Variants in FAM184A observed in about 807,000 individuals in gnomAD.
The protein encoded by FAM184A is protein FAM184A.
FAM184A carries 99 observed loss-of-function variants against 143.8 expected under a neutral mutation model. The ratio of observed to expected loss-of-function variants is 0.69; its 90% CI spans 0.58 to 0.81. The LOEUF is 0.81. Ranked by LOEUF, FAM184A falls within the 40% of genes least tolerant of loss-of-function variation. The pLI is 0.00. For synonymous variants in FAM184A, 427 were observed against 446.4 expected (o/e 0.96, Z 0.55); for missense variants, 1,217 against 1,310.5 (o/e 0.93, Z 1.10).
chr6:119,021,619 G>A (rs902443807), intron 3 of FAM184A, among the ~76,000 whole-genome samples: 1 of 152,092 alleles, frequency 6.6e-6, no homozygotes, highest in African/African-American at 2.4e-5. Flanking sequence ...GTTTTAGGCT[G>A]CAGTGAGCTA....
At chr6:119,045,216 T>G (rs1354344443) in intron 1 of FAM184A, among the ~76,000 whole-genome samples, 1 of 152,014 alleles carries the variant, frequency 6.6e-6, no homozygotes, top group Non-Finnish European at 1.5e-5. Context: ...ACCTCTGGTA[T>G]ATTGATAAAA....
chr6:119,002,939 C>T lies in FAM184A; in HGVS notation c.2048G>A (p.Arg683Lys). The T allele has an allele frequency of 6.2e-7, 1 of 1,612,438 alleles. No individual in the cohort carries two copies. The highest frequency in any genetic ancestry group is 8.5e-7 in the Non-Finnish European group (1 of 1,179,524). The change falls in exon 9 of 18, where the codon AGA (arginine) becomes AAA (lysine). Residue 683 changes from arginine (R) to lysine (K), a missense_variant. Arg to Lys is a conservative substitution (Grantham distance 26). Coordinates refer to ENST00000338891, the MANE Select transcript of FAM184A (RefSeq NM_024581.6). The part of the protein sequence containing the change: ...QLKDREKNAA[R>K]DSWQKKVEDL... The stretch of plus-strand genomic sequence containing the variant: ...TTCTACTTTCTTCTGCCATGAATCT[C>T]TTGCTGCATTTTTCTCTCGATCTTT...
chr6:119,033,673 A>C (rs1785978189), intron 1 of FAM184A, among the ~76,000 whole-genome samples: 2 of 148,524 alleles, frequency 1.3e-5, no homozygotes, highest in Non-Finnish European at 3.0e-5. Flanking sequence ...TCAAAAAAAA[A>C]AAAAAGAAAG....
chr6:119,136,688 T>C (rs1789678144), intron 1 of FAM184A, among the ~76,000 whole-genome samples: 1 of 152,256 alleles, frequency 6.6e-6, no homozygotes, highest in African/African-American at 2.4e-5. Context: ...TATTTGTTCC[T>C]AGATACTATC....
chr6:118,967,877 C>T (rs995068136), intron 14 of FAM184A, among the ~76,000 whole-genome samples: 11 of 152,090 alleles, frequency 7.2e-5, no homozygotes, highest in Non-Finnish European at 1.5e-4. Flanking sequence ...CTCATGAATA[C>T]TGAGTAACTT....
intron 1 of FAM184A, among the ~76,000 whole-genome samples, chr6:119,056,351 A>C (rs1786974663): frequency 6.6e-6 from 1 of 152,298 alleles, no homozygotes. Context: ...GATTTTGGAC[A>C]CGTAGTACTG....
chr6:118,968,068 A>T (rs578087615), intron 14 of FAM184A, among the ~76,000 whole-genome samples: 3 of 152,184 alleles, frequency 2.0e-5, no homozygotes, highest in African/African-American at 7.2e-5. Context: ...AAAGTTCTCA[A>T]TTAGAGTGTT....
chr6:118,967,011 C>T lies in FAM184A; in HGVS notation c.2916-59G>A. On this transcript the variant is annotated intron_variant, in intron 14 of 17. Coordinates refer to ENST00000338891, the MANE Select transcript of FAM184A (RefSeq NM_024581.6). ...CACTCAGATACATTCTTCTGTAATA[C>T]CTACATTAAAAAAATTAGTCTAGTT... 4 of 784,810 alleles carry T rather than the reference C, an allele frequency of 5.1e-6. No individual in the cohort carries two copies. The South Asian group carries it at 5.4e-5, about 11-fold the overall frequency. The allele number at this position is 784,810 out of a possible 1,614,324, so 48.6% of individuals were successfully genotyped here. A position where few individuals can be genotyped will look rare whatever the true frequency, so the allele number is the denominator to read the frequency against.
upstream of FAM184A, among the ~76,000 whole-genome samples, chr6:119,081,929 C>T (rs1788080584): frequency 6.6e-6 from 1 of 152,216 alleles, no homozygotes; most frequent in Admixed American, 6.5e-5. Context: ...CATCCAGCTG[C>T]CTGTGTGTTC....
At chr6:119,068,990 A>G (rs1191782059) in intron 1 of FAM184A, 2 of 329,438 alleles carry the variant, frequency 6.1e-6, no homozygotes, top group Admixed American at 3.5e-5. Flanking sequence ...TGTAATTAAA[A>G]TATATGATTA....
intron 1 of FAM184A, among the ~76,000 whole-genome samples, chr6:119,122,927 A>G (rs1789263388): frequency 1.7e-4 from 1 of 5,854 alleles, no homozygotes; most frequent in African/African-American, 1.1e-3. Context: ...CCTGTCTGAA[A>G]AAAAAAAAAA....
intron 1 of FAM184A, among the ~76,000 whole-genome samples, chr6:119,034,687 A>G (rs1562482984): frequency 6.7e-6 from 1 of 150,222 alleles, no homozygotes; most frequent in Non-Finnish European, 1.5e-5. Context: ...TCTTTATTTT[A>G]TAGGTTTTTA....
intron 1 of FAM184A, among the ~76,000 whole-genome samples, chr6:119,146,397 CGTGTGTGTGTGTGTGT>C (rs60937351): frequency 1.2e-4 from 17 of 136,390 alleles, no homozygotes; most frequent in Non-Finnish European, 1.9e-4. Context: ...GATTAACTTA[CGTGTGTGTGTGTGTGT>C]GTGTGTGTGT....
chr6:119,145,571 C>T (rs1205473050), intron 1 of FAM184A, among the ~76,000 whole-genome samples: 1 of 152,094 alleles, frequency 6.6e-6, no homozygotes, highest in Non-Finnish European at 1.5e-5. Flanking sequence ...CACTGGCTGG[C>T]GTTTTTGACA....
chr6:118,962,234 G>T, intron 16 of FAM184A: 1 of 426,318 alleles, frequency 2.3e-6, no homozygotes, highest in Admixed American at 3.8e-5. Flanking sequence ...TGAGAGAGAA[G>T]GTAAAAAGAG....
intron 1 of FAM184A, among the ~76,000 whole-genome samples, chr6:119,097,919 G>T (rs1788549137): frequency 6.6e-6 from 1 of 152,198 alleles, no homozygotes; most frequent in Non-Finnish European, 1.5e-5. Context: ...TCTGATTGTA[G>T]GTCATAATGT....
intron 4 of FAM184A, among the ~76,000 whole-genome samples, chr6:119,018,769 G>A (rs1164256444): frequency 6.6e-6 from 1 of 152,142 alleles, no homozygotes; most frequent in African/African-American, 2.4e-5. Context: ...AAATGGGTAT[G>A]AGCAGGGGAG....
chr6:119,038,893 TG>T (rs1271650583), intron 1 of FAM184A, among the ~76,000 whole-genome samples: 4 of 152,088 alleles, frequency 2.6e-5, no homozygotes, highest in South Asian at 4.2e-4. Context: ...AGCCACAGAC[TG>T]GGAGAAAATA....
At chr6:118,970,503 C>T (rs1783663406) in intron 14 of FAM184A, among the ~76,000 whole-genome samples, 1 of 151,988 alleles carries the variant, frequency 6.6e-6, no homozygotes, top group South Asian at 2.1e-4. Context: ...AAATGTTCTA[C>T]TGTAGTGATA....
Sources: gnomAD v4.1 joint callset for allele counts (sites outside exome capture counted in the v4.1 genomes callset) on GRCh38, gnomAD v4.1.1 for gene constraint, MANE v1.5 for transcripts, NCBI Gene and HGNC (gene_info 2026-07-23, HGNC 2026-07-21) for gene names.